Variants in DIXDC1 observed in about 807,000 individuals in gnomAD.
The protein encoded by DIXDC1 is DIX domain containing 1.
In DIXDC1, 64 loss-of-function variants were observed where a neutral mutation model predicts 103.1. The observed-to-expected ratio is 0.62, with a 90% CI of 0.51 to 0.76. The LOEUF is 0.76. DIXDC1 is among the 30% of genes least tolerant of loss of function. The pLI is 0.00. For synonymous variants in DIXDC1, 266 were observed against 298.5 expected (o/e 0.89, Z 1.12); for missense variants, 759 against 834.2 (o/e 0.91, Z 1.11).
intron 17 of DIXDC1, among the ~76,000 whole-genome samples, chr11:112,003,014 A>T (rs1164331239): frequency 1.2e-4 from 19 of 152,188 alleles, no homozygotes; most frequent in Admixed American, 1.2e-3. Flanking sequence ...CATGTTCTCT[A>T]CCAGTATGTG....
At chr11:111,947,542 G>A (rs1303300371) in intron 1 of DIXDC1, among the ~76,000 whole-genome samples, 3 of 152,208 alleles carry the variant, frequency 2.0e-5, no homozygotes, top group African/African-American at 4.8e-5. Context: ...CTGGCAGTGG[G>A]CATTTATAGG....
chr11:111,954,358 G>C (rs1966869982), intron 1 of DIXDC1, among the ~76,000 whole-genome samples: 1 of 152,170 alleles, frequency 6.6e-6, no homozygotes, highest in South Asian at 2.1e-4. Context: ...GTGAGGCGGA[G>C]GTCAGGTGGT....
chr11:111,997,440 A>G (rs1592612955), intron 17 of DIXDC1, among the ~76,000 whole-genome samples: 1 of 152,116 alleles, frequency 6.6e-6, no homozygotes, highest in Admixed American at 6.6e-5. Context: ...GGTTCAAGCA[A>G]TTCTTCTGCC....
At chr11:111,992,638 T>A in intron 11 of DIXDC1, 119 bp downstream of exon 11, 1 of 880,160 alleles carries the variant, frequency 1.1e-6, no homozygotes, top group Non-Finnish European at 1.7e-6. Context: ...ATGCCTGCCT[T>A]AAGTGTCTGC....
intron 9 of DIXDC1, among the ~76,000 whole-genome samples, chr11:111,987,423 C>T (rs587644181): frequency 7.2e-5 from 11 of 152,090 alleles, no homozygotes; most frequent in African/African-American, 1.7e-4. Context: ...AATAGAATTT[C>T]GGTGTCATTA....
chr11:112,016,874 G>A, intron 18 of DIXDC1, 78 bp downstream of exon 18: 7 of 1,238,898 alleles, frequency 5.7e-6, no homozygotes, highest in Non-Finnish European at 8.0e-6. Context: ...GCCCACATGA[G>A]CAGCTGAAAG....
Position 111,929,583 on chromosome 11 carries a change from TA to T in DIXDC1, c.-36-213del, listed in dbSNP as rs587666008. ...GAGTGCCGGAGTGAGACCTTATCTC[TA>T]AAAAAAAAAAAAAAAAAAAAAGTAA... On this transcript the variant is annotated intron_variant, in intron 1 of 5. Transcript: ENST00000529225. 4.7e-3 allele frequency among the ~76,000 whole-genome samples: 427 copies of T among 90,618 alleles called. 2 individuals are homozygous for T. Among genetic ancestry groups the T allele is most frequent in the East Asian group, 0.012 (41 of 3,384 alleles). 59.4% of individuals were successfully genotyped at this position (90,618 alleles called of 152,430 possible).
intron 2 of DIXDC1, among the ~76,000 whole-genome samples, chr11:111,966,792 A>G (rs114619062): frequency 0.011 from 1,648 of 152,156 alleles, 34 homozygotes; most frequent in African/African-American, 0.038. Context: ...CACTGGATCC[A>G]CTTCCTTATT....
At chr11:111,966,212 TTTTTTTTTTTTTTTCC>T (rs1859722295) in intron 2 of DIXDC1, among the ~76,000 whole-genome samples, 1 of 128,196 alleles carries the variant, frequency 7.8e-6, no homozygotes, top group Non-Finnish European at 1.6e-5. Context: ...CCGGGGTTTT[TTTTTTTTTTTTTTTCC>T]TTTTTTTTTT....
chr11:112,014,726 A>T (rs1415090053), intron 17 of DIXDC1, among the ~76,000 whole-genome samples: 1 of 152,240 alleles, frequency 6.6e-6, no homozygotes, highest in East Asian at 1.9e-4. Context: ...TCGAACACAC[A>T]GTAGGTAATA....
chr11:111,995,623 G>T (rs1478342241), intron 16 of DIXDC1, 59 bp downstream of exon 16: 1 of 1,596,862 alleles, frequency 6.3e-7, no homozygotes, highest in South Asian at 1.1e-5. Context: ...TGGGTTTTAA[G>T]AATTTTAATT....
At chr11:111,966,530 A>C (rs1448756637) in intron 2 of DIXDC1, among the ~76,000 whole-genome samples, 1 of 149,018 alleles carries the variant, frequency 6.7e-6, no homozygotes, top group Admixed American at 6.8e-5. Flanking sequence ...CAGCCTCCTG[A>C]GTAGCTGGGA....
At chr11:111,993,854 T>C (rs1860792935) in intron 14 of DIXDC1, 114 bp downstream of exon 14, 1 of 1,196,248 alleles carries the variant, frequency 8.4e-7, no homozygotes. Flanking sequence ...GGCTCTATGA[T>C]GAGCTAGTTA....
intron 17 of DIXDC1, among the ~76,000 whole-genome samples, chr11:112,010,351 T>A (rs1861376421): frequency 6.6e-6 from 1 of 152,138 alleles, no homozygotes. Context: ...ATAGGAAGAA[T>A]AAATATCATG....
upstream of DIXDC1, among the ~76,000 whole-genome samples, chr11:111,936,961 G>T (rs1378347152): frequency 1.3e-5 from 2 of 150,838 alleles, no homozygotes; most frequent in Admixed American, 6.6e-5. Flanking sequence ...GCATGCATAC[G>T]CCAGCCGGGC....
At chr11:111,934,426 T>G (rs1966131620), upstream of DIXDC1, among the ~76,000 whole-genome samples, 1 of 152,260 alleles carries the variant, frequency 6.6e-6, no homozygotes, top group African/African-American at 2.4e-5. Flanking sequence ...GAAAGCAGTT[T>G]GCTGGGTTTC....
At chr11:111,968,436 T>A in intron 2 of DIXDC1, 77 bp from the exon 3 acceptor site, 1 of 1,488,126 alleles carries the variant, frequency 6.7e-7, no homozygotes, top group Admixed American at 2.0e-5. Context: ...AAATCTTCCC[T>A]TCCTCTGTGT....
chr11:112,013,554 G>A (rs1861497042), intron 17 of DIXDC1, among the ~76,000 whole-genome samples: 1 of 151,980 alleles, frequency 6.6e-6, no homozygotes, highest in Non-Finnish European at 1.5e-5. Context: ...GTGTTCCCCT[G>A]TCTTAGGTAA....
Position 111,977,531 on chromosome 11 carries a change from C to A in DIXDC1, c.656+2548C>A. On this transcript the variant is annotated intron_variant, in intron 5 of 19. Transcript: ENST00000440460. This position sits in a 1 kb window ranked among gnomAD's most constrained non-coding sequence, Gnocchi z 6.1. ...CGGGCTGCTGCACAGTCTGAGCGGC[C>A]GGGACTGCGCGCTTCAGAGCCTGGA... 1 of 1,424,748 alleles carries A rather than the reference C, an allele frequency of 7.0e-7. No individual in the cohort carries two copies. 88.3% of individuals were successfully genotyped at this position (1,424,748 alleles called of 1,614,324 possible).
Sources: gnomAD v4.1 joint callset for allele counts (sites outside exome capture counted in the v4.1 genomes callset) on GRCh38, gnomAD v4.1.1 for gene constraint, Gnocchi (gnomAD v3.1) non-coding constraint, MANE v1.5 for transcripts, NCBI Gene and HGNC (gene_info 2026-07-23, HGNC 2026-07-21) for gene names.